Variants in CSGALNACT1 observed in about 807,000 individuals in gnomAD.
CSGALNACT1 encodes the protein chondroitin sulfate N-acetylgalactosaminyltransferase 1.
In CSGALNACT1, 52 loss-of-function variants were observed where a neutral mutation model predicts 51.0. The ratio of observed to expected loss-of-function variants is 1.02; its 90% confidence interval spans 0.82 to 1.29. CSGALNACT1 has a LOEUF of 1.29. Among genes scored for constraint, CSGALNACT1 ranks in the 50% most tolerant of loss-of-function variants. The pLI, the probability that CSGALNACT1 is intolerant of heterozygous loss-of-function variation, is 0.00. For synonymous variants in CSGALNACT1, 341 were observed against 254.4 expected (o/e 1.34, Z -3.24); for missense variants, 935 against 679.2 (o/e 1.38, Z -4.19).
At chr8:19,670,272 T>G (rs990933869) in intron 1 of CSGALNACT1, among the ~76,000 whole-genome samples, 2 of 152,200 alleles carry the variant, frequency 1.3e-5, no homozygotes, top group African/African-American at 4.8e-5. Flanking sequence ...TTATAACTAG[T>G]AGAATCTCAG....
At position 19,514,475 on chromosome 8, in the gene CSGALNACT1, CTATATATATATA is replaced by C. The variant is rs33928915; in HGVS notation, c.-296-8357_-296-8346del. ...GCATCATATGACTTTTGAACAGAGA[CTATATATATATA>C]TATATATATATATATATATATATAC... On this transcript the variant is annotated intron_variant, in intron 3 of 9. Coordinates refer to ENST00000454498, the Ensembl canonical transcript of CSGALNACT1. Among the ~76,000 whole-genome samples, 234 of 78,812 alleles carry C rather than the reference CTATATATATATA, an allele frequency of 3.0e-3. 6 individuals are homozygous for C. Among genetic ancestry groups the C allele is most frequent in the African/African-American group, 9.6e-3 (160 of 16,738 alleles). The allele number at this position is 78,812 out of a possible 152,430, so 51.7% of individuals were successfully genotyped here. A position where few individuals can be genotyped will look rare whatever the true frequency, so the allele number is the denominator to read the frequency against.
At chr8:19,553,192 T>C (rs1283770049) in intron 3 of CSGALNACT1, among the ~76,000 whole-genome samples, 1 of 152,050 alleles carries the variant, frequency 6.6e-6, no homozygotes, top group Non-Finnish European at 1.5e-5. Context: ...GATAATACCT[T>C]CATGACCTCA....
At chr8:19,576,675 C>G (rs148615141) in intron 3 of CSGALNACT1, among the ~76,000 whole-genome samples, 1 of 152,064 alleles carries the variant, frequency 6.6e-6, no homozygotes, top group Admixed American at 6.5e-5. Flanking sequence ...AGCAGACCCC[C>G]GACAGGCAGC....
At chr8:19,453,984 G>C (rs1019786109) in intron 5 of CSGALNACT1, among the ~76,000 whole-genome samples, 2 of 152,174 alleles carry the variant, frequency 1.3e-5, no homozygotes, top group Admixed American at 1.3e-4. Context: ...TCCTGATTAA[G>C]TGAATGTGAT....
intron 6 of CSGALNACT1, 121 bp downstream of exon 5, chr8:19,439,709 A>G (rs918313170): frequency 6.1e-5 from 48 of 787,600 alleles, no homozygotes; most frequent in African/African-American, 4.4e-4. Flanking sequence ...CCAGCAATCA[A>G]TCCATCCCAG....
intron 3 of CSGALNACT1, among the ~76,000 whole-genome samples, chr8:19,563,327 G>C (rs946430667): frequency 6.6e-6 from 1 of 152,086 alleles, no homozygotes; most frequent in South Asian, 2.1e-4. Flanking sequence ...AAGCATGTTG[G>C]GATTAATACT....
At chr8:19,414,737 G>A (rs765058237) in intron 8 of CSGALNACT1, among the ~76,000 whole-genome samples, 11 of 152,166 alleles carry the variant, frequency 7.2e-5, no homozygotes, top group Admixed American at 6.5e-4. Context: ...AAGGCTGCTA[G>A]TAAAGATTGT....
chr8:19,427,787 CAA>C (rs918559547), intron 6 of CSGALNACT1, among the ~76,000 whole-genome samples: 4 of 142,154 alleles, frequency 2.8e-5, no homozygotes, highest in African/African-American at 5.2e-5. Flanking sequence ...GACTCCACTT[CAA>C]AAAAAAAAAG....
chr8:19,407,333 G>C (rs2054431291), intron 9 of CSGALNACT1, among the ~76,000 whole-genome samples: 1 of 152,132 alleles, frequency 6.6e-6, no homozygotes, highest in African/African-American at 2.4e-5. Context: ...GACCTGAGGG[G>C]GAGGTGCCTA....
intron 2 of CSGALNACT1, among the ~76,000 whole-genome samples, chr8:19,594,270 G>A (rs2048430813): frequency 6.6e-6 from 1 of 152,162 alleles, no homozygotes; most frequent in African/African-American, 2.4e-5. Flanking sequence ...AGAGTTTATT[G>A]TCACAATATA....
chr8:19,459,852 G>A (rs2064992290), intron 4 of CSGALNACT1, among the ~76,000 whole-genome samples: 1 of 152,180 alleles, frequency 6.6e-6, no homozygotes, highest in Non-Finnish European at 1.5e-5. Flanking sequence ...AGAGAGGCAG[G>A]AGAGAAGTCT....
At chr8:19,501,233 C>T (rs1035614155) in intron 4 of CSGALNACT1, among the ~76,000 whole-genome samples, 4 of 112,828 alleles carry the variant, frequency 3.5e-5, no homozygotes, top group South Asian at 2.9e-4. Context: ...TGTGACAAAG[C>T]GAGACTCCGT....
intron 3 of CSGALNACT1, among the ~76,000 whole-genome samples, chr8:19,517,554 A>G (rs1325548140): frequency 6.6e-6 from 1 of 152,206 alleles, no homozygotes; most frequent in Non-Finnish European, 1.5e-5. Context: ...GCTGATAAAG[A>G]CGTGCCCGAG....
At chr8:19,723,684 GA>G (rs887099237) in intron 1 of CSGALNACT1, among the ~76,000 whole-genome samples, 4 of 152,086 alleles carry the variant, frequency 2.6e-5, no homozygotes, top group African/African-American at 9.7e-5. Context: ...GTACTTTTTG[GA>G]AAAAGTGCCT....
At chr8:19,479,161 C>T (rs555277780) in intron 4 of CSGALNACT1, among the ~76,000 whole-genome samples, 19 of 152,308 alleles carry the variant, frequency 1.2e-4, no homozygotes, top group African/African-American at 4.1e-4. Context: ...AGCAGGGAGC[C>T]ATCTGCGTAA....
chr8:19,628,662 T>G (rs13270585), intron 1 of CSGALNACT1, among the ~76,000 whole-genome samples: 7,973 of 152,154 alleles, frequency 0.052, 299 homozygotes, highest in East Asian at 0.11. Flanking sequence ...GCTTTTTTTT[T>G]TTGTTTTTTG....
At chr8:19,467,532 G>A (rs1025345020) in intron 4 of CSGALNACT1, among the ~76,000 whole-genome samples, 2 of 152,224 alleles carry the variant, frequency 1.3e-5, no homozygotes, top group Non-Finnish European at 2.9e-5. Flanking sequence ...AGAAAATGAA[G>A]GCAGGTTAGG....
At chr8:19,746,728 C>T (rs2064691036) in intron 1 of CSGALNACT1, among the ~76,000 whole-genome samples, 2 of 152,218 alleles carry the variant, frequency 1.3e-5, no homozygotes, top group Non-Finnish European at 2.9e-5. Context: ...ATGAAGCCTA[C>T]AAGTCCTCCA....
At chr8:19,619,237 C>A (rs1173278451) in intron 1 of CSGALNACT1, among the ~76,000 whole-genome samples, 1 of 113,996 alleles carries the variant, frequency 8.8e-6, no homozygotes, top group Non-Finnish European at 1.7e-5. Flanking sequence ...AAAGAGCATT[C>A]TAGACAGGGT....
Sources: allele counts gnomAD v4.1 joint callset (sites outside exome capture counted in the v4.1 genomes callset), GRCh38; gene constraint gnomAD v4.1.1; transcripts MANE v1.5; gene names NCBI Gene and HGNC (gene_info 2026-07-23, HGNC 2026-07-21).